The following RGS7 variants were observed in gnomAD, a reference collection of about 807,000 sequenced individuals.
RGS7 encodes regulator of G protein signaling 7.
Under a neutral mutation model 81.1 loss-of-function variants are expected in RGS7, and 27 were observed. The ratio of observed to expected loss-of-function variants is 0.33; its 90% CI spans 0.25 to 0.46. RGS7 has a LOEUF of 0.46. RGS7 is among the 20% of genes least tolerant of loss of function. RGS7 has a pLI of 1.00. For missense variants in RGS7, 396 were observed against 607.4 expected (o/e 0.65, Z 3.66); for synonymous variants, 208 against 207.7 (o/e 1.00, Z -0.01).
intron 2 of RGS7, among the ~76,000 whole-genome samples, chr1:241,178,432 C>T (rs2071339930): frequency 6.6e-6 from 1 of 152,140 alleles, no homozygotes; most frequent in Non-Finnish European, 1.5e-5. Flanking sequence ...GCTGTGATCA[C>T]TCAGGGAGAG....
chr1:241,292,701 TCTA>T (rs1212728799), intron 2 of RGS7, among the ~76,000 whole-genome samples: 1 of 152,126 alleles, frequency 6.6e-6, no homozygotes, highest in East Asian at 1.9e-4. Flanking sequence ...AGCCATTTAC[TCTA>T]CTATGGCCAA....
At chr1:240,859,206 C>T (rs1049143937) in intron 9 of RGS7, among the ~76,000 whole-genome samples, 3 of 152,032 alleles carry the variant, frequency 2.0e-5, no homozygotes, top group Non-Finnish European at 4.4e-5. Flanking sequence ...TGCTGTGTTG[C>T]CCAGACTGGT....
At position 240,868,143 on chromosome 1, in the gene RGS7, AAAG is replaced by A. The variant is rs1223235951; in HGVS notation, c.609+441_609+443del. Among the ~76,000 whole-genome samples, 2 of 118,086 alleles carry A rather than the reference AAAG, an allele frequency of 1.7e-5. No individual in the cohort carries two copies. The highest frequency in any genetic ancestry group is 5.5e-5 in the African/African-American group (1 of 18,186). The allele number at this position is 118,086 out of a possible 152,430, so 77.5% of individuals were successfully genotyped here. On this transcript the variant is annotated intron_variant, in intron 9 of 18. Transcript: ENST00000440928. The surrounding 1 kb of genome is among the most constrained non-coding windows in gnomAD (Gnocchi z 5.1). Reference sequence around the variant, plus strand: ...GAAAGAAAGAAAGAAAGAAAGAAAGAAAGAAAGAAAGAAAGGACGGAGGGAGGG... The same window carrying A: ...GAAAGAAAGAAAGAAAGAAAGAAAGAAAAGAAAGAAAGGACGGAGGGAGGG...
At chr1:240,942,010 T>G (rs1434367383) in intron 4 of RGS7, among the ~76,000 whole-genome samples, 1 of 152,032 alleles carries the variant, frequency 6.6e-6, no homozygotes, top group Non-Finnish European at 1.5e-5. Context: ...TATTTTTTTG[T>G]TTGGATATTC....
intron 2 of RGS7, among the ~76,000 whole-genome samples, chr1:241,110,933 C>T (rs1374575387): frequency 1.3e-5 from 2 of 152,106 alleles, no homozygotes; most frequent in African/African-American, 2.4e-5. Context: ...GATCCACCCG[C>T]CCCAGCCTCC....
chr1:240,938,821 C>CATGTGT (rs948533663), intron 4 of RGS7, among the ~76,000 whole-genome samples: 29 of 146,404 alleles, frequency 2.0e-4, no homozygotes, highest in African/African-American at 6.8e-4. Context: ...CAATTTTGTG[C>CATGTGT]GTGTGTGTGT....
intron 6 of RGS7, among the ~76,000 whole-genome samples, chr1:240,894,258 T>C (rs184294442): frequency 1.3e-5 from 2 of 152,204 alleles, no homozygotes; most frequent in Admixed American, 1.3e-4. Flanking sequence ...TTTGGGGAGG[T>C]GCATCTATTG....
intron 3 of RGS7, among the ~76,000 whole-genome samples, chr1:241,092,322 C>G (rs190146654): frequency 1.3e-5 from 2 of 152,116 alleles, no homozygotes; most frequent in African/African-American, 2.4e-5. Context: ...AACTTTTATG[C>G]TTCATCTGGA....
At chr1:241,340,536 T>TCCCC (rs2082483769) in intron 2 of RGS7, among the ~76,000 whole-genome samples, 1 of 152,210 alleles carries the variant, frequency 6.6e-6, no homozygotes, top group African/African-American at 2.4e-5. Flanking sequence ...CAAAAACAGT[T>TCCCC]ATTTCATAGG....
At chr1:241,302,367 G>A (rs1267294900) in intron 2 of RGS7, among the ~76,000 whole-genome samples, 1 of 152,182 alleles carries the variant, frequency 6.6e-6, no homozygotes, top group Admixed American at 6.5e-5. Flanking sequence ...GGGTAACACA[G>A]TGAAACCCCG....
chr1:240,859,696 C>T (rs1039384283), intron 9 of RGS7, among the ~76,000 whole-genome samples: 3 of 151,896 alleles, frequency 2.0e-5, no homozygotes, highest in African/African-American at 7.2e-5. Context: ...TATTCTCTTG[C>T]CATTCTCATT....
chr1:241,015,674 T>C (rs955908291), intron 3 of RGS7, among the ~76,000 whole-genome samples: 5 of 152,228 alleles, frequency 3.3e-5, no homozygotes, highest in Admixed American at 3.3e-4. Flanking sequence ...TTTTGGTACA[T>C]TGCTTTTACC....
chr1:240,887,920 C>T (rs1667654302), intron 6 of RGS7, among the ~76,000 whole-genome samples: 1 of 152,134 alleles, frequency 6.6e-6, no homozygotes, highest in South Asian at 2.1e-4. Flanking sequence ...TCACTATTTT[C>T]TATCAGTAGC....
intron 9 of RGS7, among the ~76,000 whole-genome samples, chr1:240,858,067 T>A (rs929021380): frequency 2.0e-5 from 3 of 152,186 alleles, no homozygotes; most frequent in African/African-American, 7.2e-5. Context: ...AATTACCCAG[T>A]CTTGGGTATG....
chr1:240,963,115 T>C (rs1681731317), intron 4 of RGS7, among the ~76,000 whole-genome samples: 1 of 151,988 alleles, frequency 6.6e-6, no homozygotes, highest in Non-Finnish European at 1.5e-5. Context: ...CCTAGTGAGA[T>C]GTGTTGATGG....
intron 2 of RGS7, among the ~76,000 whole-genome samples, chr1:241,279,000 C>G (rs2078356831): frequency 6.6e-6 from 1 of 152,190 alleles, no homozygotes; most frequent in Non-Finnish European, 1.5e-5. Flanking sequence ...CATTTGGGGA[C>G]TTCCAACCAT....
chr1:240,911,877 C>T (rs916235118), intron 6 of RGS7, among the ~76,000 whole-genome samples: 1 of 151,792 alleles, frequency 6.6e-6, no homozygotes, highest in Non-Finnish European at 1.5e-5. Flanking sequence ...CGCAGTGGCT[C>T]ACGCCTGTAA....
At chr1:241,343,979 C>T (rs972746660) in intron 2 of RGS7, among the ~76,000 whole-genome samples, 1 of 152,130 alleles carries the variant, frequency 6.6e-6, no homozygotes, top group Non-Finnish European at 1.5e-5. Context: ...GGATCCAAGA[C>T]AAATAACAGA....
At chr1:240,820,866 TA>T (rs1387336997) in intron 10 of RGS7, among the ~76,000 whole-genome samples, 1 of 152,164 alleles carries the variant, frequency 6.6e-6, no homozygotes, top group Non-Finnish European at 1.5e-5. Context: ...TCAGAGACAG[TA>T]AAATAGAAAC....
Sources: allele counts gnomAD v4.1 joint callset (sites outside exome capture counted in the v4.1 genomes callset), GRCh38; gene constraint gnomAD v4.1.1; non-coding constraint Gnocchi (gnomAD v3.1); transcripts MANE v1.5; gene names NCBI Gene and HGNC (gene_info 2026-07-23, HGNC 2026-07-21).